The following ZRANB3 variants were observed in gnomAD, a reference collection of about 807,000 sequenced individuals.
The protein encoded by ZRANB3 is zinc finger RANBP2-type containing 3.
Under a neutral mutation model 133.8 loss-of-function variants are expected in ZRANB3, and 125 were observed. That is an observed-to-expected ratio of 0.93 (90% CI 0.81 to 1.08). The LOEUF (loss-of-function observed/expected upper bound fraction) is 1.08, where lower values mean the gene tolerates loss of function less well. Among genes scored for constraint, ZRANB3 ranks in the 50% least tolerant of loss-of-function variants. ZRANB3 has a pLI of 0.00. For synonymous variants in ZRANB3, 387 were observed against 432.7 expected (o/e 0.89, Z 1.31); for missense variants, 1,229 against 1,275.5 (o/e 0.96, Z 0.56).
chr2:135,424,837 C>T (rs1186135540), intron 2 of ZRANB3, among the ~76,000 whole-genome samples: 1 of 152,180 alleles, frequency 6.6e-6, no homozygotes, highest in African/African-American at 2.4e-5. Flanking sequence ...ATAACTCTAA[C>T]CCTAAAGCCA....
At chr2:135,398,889 A>T (rs1687617329) in intron 2 of ZRANB3, among the ~76,000 whole-genome samples, 1 of 152,112 alleles carries the variant, frequency 6.6e-6, no homozygotes, top group Admixed American at 6.5e-5. Flanking sequence ...TCATATACCT[A>T]TCCAACCAAT....
chr2:135,479,019 A>G (rs1691637864), intron 2 of ZRANB3, among the ~76,000 whole-genome samples: 8 of 132,764 alleles, frequency 6.0e-5, no homozygotes, highest in Admixed American at 5.7e-4. Context: ...AGACACTGCC[A>G]AACAGTTTTC....
intron 12 of ZRANB3, among the ~76,000 whole-genome samples, chr2:135,240,082 C>T (rs969171175): frequency 3.3e-5 from 5 of 152,024 alleles, no homozygotes; most frequent in Non-Finnish European, 1.5e-5. Flanking sequence ...GTGGCTCATG[C>T]CTGTAGTCCA....
chr2:135,418,917 G>T (rs1688704855), intron 2 of ZRANB3, among the ~76,000 whole-genome samples: 2 of 137,212 alleles, frequency 1.5e-5, no homozygotes, highest in Admixed American at 7.6e-5. Context: ...GAAAAATAAG[G>T]ATTCTCTCTT....
intron 2 of ZRANB3, among the ~76,000 whole-genome samples, chr2:135,398,758 C>T (rs894231290): frequency 1.3e-5 from 2 of 150,790 alleles, no homozygotes; most frequent in Non-Finnish European, 1.5e-5. Flanking sequence ...CTCCTGACCT[C>T]GTGATCCGCC....
At chr2:135,407,077 C>T (rs1281941714) in intron 2 of ZRANB3, among the ~76,000 whole-genome samples, 2 of 152,118 alleles carry the variant, frequency 1.3e-5, no homozygotes, top group African/African-American at 4.8e-5. Context: ...AAAACCCCAT[C>T]GTCTCAGCCC....
At chr2:135,473,477 T>C (rs189909238) in intron 2 of ZRANB3, among the ~76,000 whole-genome samples, 57 of 151,764 alleles carry the variant, frequency 3.8e-4, no homozygotes, top group Middle Eastern at 6.8e-3. Flanking sequence ...AAGTACTAAG[T>C]AGCAGTATAC....
At chr2:135,501,898 G>T (rs116541554) in intron 2 of ZRANB3, among the ~76,000 whole-genome samples, 214 of 152,154 alleles carry the variant, frequency 1.4e-3, no homozygotes, top group African/African-American at 4.9e-3. Context: ...CGGCCATTTT[G>T]TAATTTTTCC....
Position 135,217,493 on chromosome 2 carries a change from G to C in ZRANB3, c.2467C>G (p.Gln823Glu), listed in dbSNP as rs751010365. Residue 823 changes from glutamine (Q) to glutamate (E), a missense_variant, in exon 17 of 21, where the codon CAA becomes GAA. Gln to Glu is a conservative substitution (Grantham distance 29, BLOSUM62 2). Transcript: ENST00000264159. ...TTGGTGCAATTTTGTTTGGTTTGTT[G>C]CTTTGTGATCTCTTCCAAAGCAAGA... Reference protein sequence around the residue: ...PILALEEITKQQTKQNCTKRY... With the variant: ...PILALEEITKEQTKQNCTKRY... 6.2e-7 allele frequency: 1 copy of C among 1,610,904 alleles called. No homozygotes were observed. The highest frequency in any genetic ancestry group is 1.3e-5 in the African/African-American group (1 of 74,814).
At chr2:135,466,773 G>T (rs1691019875) in intron 2 of ZRANB3, among the ~76,000 whole-genome samples, 1 of 151,684 alleles carries the variant, frequency 6.6e-6, no homozygotes, top group African/African-American at 2.4e-5. Flanking sequence ...CACCTCCCAG[G>T]CTCAACCAGT....
chr2:135,254,442 G>A (rs1573767255), intron 12 of ZRANB3, among the ~76,000 whole-genome samples: 1 of 146,702 alleles, frequency 6.8e-6, no homozygotes, highest in East Asian at 2.0e-4. Flanking sequence ...TTAGCATATA[G>A]TCTTTTAAAA....
At chr2:135,240,248 AAGG>A (rs1375653533) in intron 12 of ZRANB3, among the ~76,000 whole-genome samples, 2 of 152,142 alleles carry the variant, frequency 1.3e-5, no homozygotes. Context: ...GAGGCTGAGG[AAGG>A]AGGATTGCTT....
chr2:135,520,436 A>C (rs1311467215), intron 1 of ZRANB3, among the ~76,000 whole-genome samples: 1 of 149,584 alleles, frequency 6.7e-6, no homozygotes, highest in Non-Finnish European at 1.5e-5. Context: ...TTTTTGAGAC[A>C]AAGTCTTGCT....
Position 135,207,792 on chromosome 2 carries a change from T to C in ZRANB3, c.2651A>G (p.Tyr884Cys). ...DGACVPFLNP[Y>C]TVQADLTVKP... ...CACAGTGAGATCTGCCTGGACTGTG[T>C]ATGGATTTAGAAATGGGACACAGGC... Residue 884 changes from tyrosine to cysteine, a missense_variant, in exon 19 of 21, where the codon TAC becomes TGC. Tyr to Cys is a radical substitution (Grantham distance 194, BLOSUM62 -2). Coordinates refer to ENST00000264159, the MANE Select transcript of ZRANB3 (RefSeq NM_032143.4). The C allele has an allele frequency of 6.2e-7, 1 of 1,604,962 alleles. No individual in the cohort carries two copies. Among genetic ancestry groups the C allele is most frequent in the Non-Finnish European group, 8.5e-7 (1 of 1,172,308 alleles).
chr2:135,252,209 T>A (rs1444484382), intron 12 of ZRANB3, among the ~76,000 whole-genome samples: 1 of 152,064 alleles, frequency 6.6e-6, no homozygotes, highest in Non-Finnish European at 1.5e-5. Context: ...GGAGGTTGCA[T>A]GAGGAAGAAG....
intron 2 of ZRANB3, among the ~76,000 whole-genome samples, chr2:135,446,570 C>T (rs985590898): frequency 6.6e-6 from 1 of 152,134 alleles, no homozygotes; most frequent in African/African-American, 2.4e-5. Flanking sequence ...ATTAGAAGTA[C>T]GGGCATACAG....
rs147193202 is a variant in ZRANB3 at position 135,299,930 on chromosome 2, T to A, written c.966+13559A>T. Reference sequence around the variant, plus strand: ...TGTAAGTTATGAAGCAAAGAAAAGATTACAGCAGAGAAAGAAATCTTTTAT... The same window carrying A: ...TGTAAGTTATGAAGCAAAGAAAAGAATACAGCAGAGAAAGAAATCTTTTAT... On this transcript the variant is annotated intron_variant, in intron 8 of 20. Transcript: ENST00000264159. Among the ~76,000 whole-genome samples, 83 of 152,262 alleles carry A rather than the reference T, an allele frequency of 5.5e-4. 1 individual carries two copies. The East Asian group carries it at 0.012, about 22-fold the overall frequency.
At chr2:135,503,352 T>C (rs1294458225) in intron 2 of ZRANB3, among the ~76,000 whole-genome samples, 1 of 152,230 alleles carries the variant, frequency 6.6e-6, no homozygotes, top group Non-Finnish European at 1.5e-5. Context: ...AGACCAAGCA[T>C]GGCAAAATGT....
intron 12 of ZRANB3, among the ~76,000 whole-genome samples, chr2:135,260,716 T>C (rs1679916644): frequency 6.8e-6 from 1 of 146,114 alleles, no homozygotes; most frequent in South Asian, 2.1e-4. Flanking sequence ...TTATTGACTA[T>C]TATATATTCA....
Sources: allele counts gnomAD v4.1 joint callset (sites outside exome capture counted in the v4.1 genomes callset), GRCh38; gene constraint gnomAD v4.1.1; transcripts MANE v1.5; gene names NCBI Gene and HGNC (gene_info 2026-07-23, HGNC 2026-07-21).